The following PYY variants were observed in gnomAD, a reference collection of about 807,000 sequenced individuals.
PYY encodes peptide tyrosine tyrosine.
In PYY, 12 loss-of-function variants were observed where a neutral mutation model predicts 10.3. The observed-to-expected ratio is 1.17, with a 90% CI of 0.75 to 1.89. The LOEUF (loss-of-function observed/expected upper bound fraction) is 1.89. PYY is among the 40% of genes most tolerant of loss of function. The pLI is 0.00. For missense variants in PYY, 141 were observed against 134.0 expected (o/e 1.05, Z -0.26); for synonymous variants, 66 against 62.0 (o/e 1.06, Z -0.30).
upstream of PYY, among the ~76,000 whole-genome samples, chr17:43,958,417 G>A (rs1489491799): frequency 1.8e-4 from 27 of 149,644 alleles, no homozygotes; most frequent in Non-Finnish European, 7.4e-5. Flanking sequence ...GAGTCTTACT[G>A]TGTCACCCAG....
chr17:44,003,821 A>G (rs2049049516), intron 1 of PYY, among the ~76,000 whole-genome samples: 1 of 151,904 alleles, frequency 6.6e-6, no homozygotes, highest in South Asian at 2.1e-4. Flanking sequence ...CGTCTTCAAA[A>G]AAAATAATTT....
chr17:43,970,172 C>T (rs943558407), intron 1 of PYY, among the ~76,000 whole-genome samples: 1 of 139,912 alleles, frequency 7.1e-6, no homozygotes, highest in African/African-American at 2.7e-5. Flanking sequence ...CTGTACTCTG[C>T]CTGGATAAAA....
At chr17:43,990,158 C>T (rs28690110) in intron 1 of PYY, among the ~76,000 whole-genome samples, 44,249 of 151,196 alleles carry the variant, frequency 0.29, 7,147 homozygotes, top group East Asian at 0.63. Context: ...AGCTTCTCGA[C>T]GGGGCGAGGT....
At chr17:43,981,450 A>AT (rs2048882922) in intron 1 of PYY, among the ~76,000 whole-genome samples, 1 of 150,482 alleles carries the variant, frequency 6.6e-6, no homozygotes, top group African/African-American at 2.4e-5. Flanking sequence ...TTTAATTTGC[A>AT]TTTTCCTGAT....
chr17:43,995,893 G>A (rs191669988), intron 1 of PYY, among the ~76,000 whole-genome samples: 2 of 151,536 alleles, frequency 1.3e-5, no homozygotes, highest in Non-Finnish European at 2.9e-5. Context: ...AGTGGCTCAC[G>A]CCTGTAATCC....
At chr17:43,976,149 A>ACG (rs2048834539) in intron 1 of PYY, among the ~76,000 whole-genome samples, 1 of 127,432 alleles carries the variant, frequency 7.8e-6, no homozygotes, top group Non-Finnish European at 1.6e-5. Context: ...ATGTATATAT[A>ACG]CATATGTATA....
chr17:43,963,579 AAAG>A (rs1270175787), intron 2 of PYY, among the ~76,000 whole-genome samples: 8 of 66,576 alleles, frequency 1.2e-4, no homozygotes, highest in African/African-American at 2.5e-4. Flanking sequence ...GAAAAGAAAG[AAAG>A]AAAGAAAGAA....
At chr17:44,004,167 G>A (rs1381219709) in intron 1 of PYY, among the ~76,000 whole-genome samples, 2 of 151,986 alleles carry the variant, frequency 1.3e-5, no homozygotes, top group Non-Finnish European at 2.9e-5. Context: ...TAACCTCATG[G>A]TCATTCATTA....
intron 2 of PYY, among the ~76,000 whole-genome samples, chr17:43,960,545 A>AAAC (rs1567927017): frequency 1.3e-5 from 2 of 149,534 alleles, no homozygotes; most frequent in African/African-American, 2.5e-5. Context: ...AAAAAAAAAA[A>AAAC]AAAAAAAAAA....
At chr17:43,983,158 G>A (rs1485620823) in intron 1 of PYY, among the ~76,000 whole-genome samples, 8 of 152,166 alleles carry the variant, frequency 5.3e-5, no homozygotes, top group Non-Finnish European at 1.5e-5. Context: ...CTTGAACCCA[G>A]GAGGCAGAGG....
At chr17:43,972,110 G>C (rs1189772219) in intron 1 of PYY, among the ~76,000 whole-genome samples, 1 of 151,722 alleles carries the variant, frequency 6.6e-6, no homozygotes, top group Non-Finnish European at 1.5e-5. Flanking sequence ...CTATACATGT[G>C]TTAAAGCTCA....
At chr17:43,969,175 T>A (rs1428759786) in intron 1 of PYY, among the ~76,000 whole-genome samples, 1 of 151,916 alleles carries the variant, frequency 6.6e-6, no homozygotes, top group Non-Finnish European at 1.5e-5. Flanking sequence ...TATGTTACAA[T>A]CAGGTGGGAT....
At chr17:43,964,834 A>T (rs2048743439) in intron 2 of PYY, among the ~76,000 whole-genome samples, 1 of 152,220 alleles carries the variant, frequency 6.6e-6, no homozygotes, top group African/African-American at 2.4e-5. Context: ...TGTTTTCCGT[A>T]ATAACTGGTG....
At chr17:43,981,420 T>C (rs1275394665) in intron 1 of PYY, among the ~76,000 whole-genome samples, 3 of 152,192 alleles carry the variant, frequency 2.0e-5, no homozygotes, top group African/African-American at 7.2e-5. Flanking sequence ...GGTGGATGGG[T>C]GGTGGTATCT....
At chr17:43,972,635 C>A (rs72838307) in intron 1 of PYY, among the ~76,000 whole-genome samples, 1,759 of 152,194 alleles carry the variant, frequency 0.012, 7 homozygotes, top group South Asian at 0.03. Flanking sequence ...CTCAAACGAT[C>A]TTCCCACCTC....
chr17:43,959,142 C>G (rs1325312809), intron 2 of PYY, among the ~76,000 whole-genome samples: 1 of 152,188 alleles, frequency 6.6e-6, no homozygotes, highest in Non-Finnish European at 1.5e-5. Flanking sequence ...TGAGTCAAGA[C>G]ACCCAAAGAA....
upstream of PYY, among the ~76,000 whole-genome samples, chr17:43,955,859 G>A (rs903222831): frequency 6.6e-5 from 10 of 152,008 alleles, no homozygotes; most frequent in African/African-American, 2.2e-4. Context: ...GGGCTGGTTA[G>A]GACATCTGTG....
intron 1 of PYY, among the ~76,000 whole-genome samples, chr17:43,981,688 C>G (rs867675692): frequency 3.9e-5 from 6 of 152,110 alleles, no homozygotes; most frequent in Non-Finnish European, 8.8e-5. Context: ...CGGGGTTTCA[C>G]CATGTTGGCC....
chr17:43,970,789 T>G (rs1377599753), intron 1 of PYY, among the ~76,000 whole-genome samples: 1 of 152,190 alleles, frequency 6.6e-6, no homozygotes, highest in Non-Finnish European at 1.5e-5. Flanking sequence ...AGTTCTATCT[T>G]TTAGGGAATA....
Sources: allele counts gnomAD v4.1 joint callset (sites outside exome capture counted in the v4.1 genomes callset), GRCh38; gene constraint gnomAD v4.1.1; transcripts MANE v1.5; gene names NCBI Gene and HGNC (gene_info 2026-07-23, HGNC 2026-07-21).